Variants in CCDC191 observed in about 807,000 individuals in gnomAD.
CCDC191 encodes coiled-coil domain-containing protein 191.
Under a neutral mutation model 114.0 loss-of-function variants are expected in CCDC191, and 99 were observed. That is an observed-to-expected ratio of 0.87 (90% CI 0.74 to 1.03). The LOEUF is 1.03. Among genes scored for constraint, CCDC191 ranks in the 50% least tolerant of loss-of-function variants. CCDC191 has a pLI of 0.00. For missense variants in CCDC191, 973 were observed against 1,087.0 expected, an observed-to-expected ratio of 0.90 and a Z score of 1.47; for synonymous variants, 351 against 376.0, an observed-to-expected ratio of 0.93 and a Z score of 0.77.
At position 114,006,236 on chromosome 3, in the gene CCDC191, G is replaced by A. The variant is rs144113748; in HGVS notation, c.1414-274C>T. ...GGCCGAGATGGGCAGATGACTTAAGGTCAGGAGATTGAGATCAGCCTGGCC... is the reference window on the plus strand; with the variant it reads ...GGCCGAGATGGGCAGATGACTTAAGATCAGGAGATTGAGATCAGCCTGGCC... On this transcript the variant is annotated intron_variant, in intron 9 of 16. Coordinates refer to ENST00000295878, the MANE Select transcript of CCDC191 (RefSeq NM_020817.2). Among the ~76,000 whole-genome samples, 204 of 151,924 alleles carry A rather than the reference G, an allele frequency of 1.3e-3. 1 individual carries two copies. Among genetic ancestry groups the A allele is most frequent in the African/African-American group, 4.6e-3 (192 of 41,406 alleles).
intron 6 of CCDC191, among the ~76,000 whole-genome samples, chr3:114,032,192 T>C (rs1043696377): frequency 2.6e-5 from 4 of 152,148 alleles, no homozygotes; most frequent in Non-Finnish European, 5.9e-5. Flanking sequence ...CTTATAAGGT[T>C]ACTAGAAAGA....
intron 16 of CCDC191, among the ~76,000 whole-genome samples, chr3:113,971,138 C>A (rs1406112123): frequency 6.6e-6 from 1 of 152,168 alleles, no homozygotes; most frequent in East Asian, 1.9e-4. Flanking sequence ...GAGGAATCAC[C>A]ACACTGATTT....
chr3:113,980,569 C>A lies in CCDC191; in HGVS notation c.2307+81G>T, dbSNP rs373250005. ...TGGCTTTAAATCACCAAACCCTACC[C>A]TCCCCCAAGCTTAACTGGGCATCCA... On this transcript the variant is annotated intron_variant, in intron 14 of 16. Transcript: ENST00000295878. The A allele has an allele frequency of 3.1e-6, 4 of 1,302,032 alleles. No individual in the cohort carries two copies. The Admixed American group carries it at 8.6e-5, about 28-fold the overall frequency. The allele number at this position is 1,302,032 out of a possible 1,614,324, so 80.7% of individuals were successfully genotyped here.
At chr3:113,969,107 A>T (rs932740390) in intron 16 of CCDC191, among the ~76,000 whole-genome samples, 2 of 152,218 alleles carry the variant, frequency 1.3e-5, no homozygotes, top group African/African-American at 4.8e-5. Context: ...CGTAACTAAT[A>T]GAGTGAGAAT....
intron 5 of CCDC191, among the ~76,000 whole-genome samples, 196 bp from the exon 6 acceptor site, chr3:114,035,344 C>T (rs1194225324): frequency 6.6e-6 from 1 of 152,060 alleles, no homozygotes; most frequent in African/African-American, 2.4e-5. Flanking sequence ...TAGATGAAGT[C>T]AGATGAAGAT....
intron 7 of CCDC191, among the ~76,000 whole-genome samples, chr3:114,027,786 A>T (rs1268868226): frequency 6.6e-6 from 1 of 152,150 alleles, no homozygotes; most frequent in Non-Finnish European, 1.5e-5. Context: ...TGCTGACAAG[A>T]GCTTCCAGTT....
rs1939955400 is a variant in CCDC191, at chr3:113,964,896, A to G, written c.*259T>C. 3.6e-6 allele frequency: 1 copy of G among 274,226 alleles called. No homozygotes were observed. The highest frequency in any genetic ancestry group is 6.3e-5 in the East Asian group (1 of 15,884). 17.0% of individuals were successfully genotyped at this position (274,226 alleles called of 1,614,324 possible). On this transcript the variant is annotated 3_prime_UTR_variant, in exon 17 of 17. Coordinates refer to ENST00000295878, the MANE Select transcript of CCDC191 (RefSeq NM_020817.2). ...CCTTTTTAAAGTTTACTATGCTAAAAATATATAGGATATATTTGAACAGAC... is the reference window on the plus strand; with the variant it reads ...CCTTTTTAAAGTTTACTATGCTAAAGATATATAGGATATATTTGAACAGAC...
At chr3:113,984,303 T>C (rs2075278005) in intron 13 of CCDC191, 1 of 151,988 alleles carries the variant, frequency 6.6e-6, no homozygotes, top group Non-Finnish European at 1.5e-5. Flanking sequence ...TGAGCAAAAA[T>C]ACCCGCCCAA....
chr3:114,054,698 A>C (rs139863963), intron 1 of CCDC191, among the ~76,000 whole-genome samples: 2 of 152,196 alleles, frequency 1.3e-5, no homozygotes, highest in East Asian at 3.9e-4. Flanking sequence ...GCGAGGGTTA[A>C]TCAATCTGAC....
At chr3:114,035,347 A>G (rs1164347909) in intron 5 of CCDC191, among the ~76,000 whole-genome samples, 199 bp from the exon 6 acceptor site, 1 of 152,224 alleles carries the variant, frequency 6.6e-6, no homozygotes, top group Non-Finnish European at 1.5e-5. Flanking sequence ...ATGAAGTCAG[A>G]TGAAGATGAC....
chr3:114,046,493 G>A, intron 3 of CCDC191, 98 bp downstream of exon 3: 1 of 790,442 alleles, frequency 1.3e-6, no homozygotes, highest in South Asian at 1.5e-5. Context: ...GGGAAATTAA[G>A]AACAAGAGTA....
Position 114,002,392 on chromosome 3 carries a change from T to C in CCDC191, c.2061+64A>G. Reference sequence around the variant, plus strand: ...GGAGTTCTGAAAAAGCAAGGTTTCATTTTTTAAGAAAGACCTGGACAAATC... The same window carrying C: ...GGAGTTCTGAAAAAGCAAGGTTTCACTTTTTAAGAAAGACCTGGACAAATC... On this transcript the variant is annotated intron_variant, in intron 12 of 16. Coordinates refer to ENST00000295878, the MANE Select transcript of CCDC191 (RefSeq NM_020817.2). 5 of 1,244,984 alleles carry C rather than the reference T, an allele frequency of 4.0e-6. No homozygotes were observed. The African/African-American group carries it at 4.6e-5, about 11-fold the overall frequency. The allele number at this position is 1,244,984 out of a possible 1,614,324, so 77.1% of individuals were successfully genotyped here.
intron 14 of CCDC191, among the ~76,000 whole-genome samples, chr3:113,980,163 C>T (rs1243083863): frequency 1.3e-5 from 2 of 152,120 alleles, no homozygotes; most frequent in Non-Finnish European, 2.9e-5. Flanking sequence ...CTGACAGTTG[C>T]CAGGTGAAAA....
At chr3:113,983,085 T>C (rs1454293986) in intron 13 of CCDC191, among the ~76,000 whole-genome samples, 1 of 152,160 alleles carries the variant, frequency 6.6e-6, no homozygotes, top group Non-Finnish European at 1.5e-5. Flanking sequence ...TCATGAATGC[T>C]TGCTGGGCTT....
intron 3 of CCDC191, 113 bp from the exon 4 acceptor site, chr3:114,042,959 G>A: frequency 3.1e-6 from 3 of 969,572 alleles, no homozygotes; most frequent in Non-Finnish European, 1.5e-6. Context: ...GTCAAGTACT[G>A]TTCTAGATAC....
Position 114,014,178 on chromosome 3 carries a change from G to A in CCDC191, c.1164-3157C>T, listed in dbSNP as rs2076119775. ...AGCAGTGACATGAACAGTTACATTTGGGATGAGCAGGTTTAGCTGGAATAG... is the reference window on the plus strand; with the variant it reads ...AGCAGTGACATGAACAGTTACATTTAGGATGAGCAGGTTTAGCTGGAATAG... On this transcript the variant is annotated intron_variant, in intron 8 of 16. Transcript: ENST00000295878. 2.0e-5 allele frequency among the ~76,000 whole-genome samples: 3 copies of A among 152,300 alleles called. No individual in the cohort carries two copies. In the South Asian group the frequency reaches 6.2e-4, roughly 32 times the overall value.
At chr3:114,029,029 G>A (rs2076365877) in intron 7 of CCDC191, among the ~76,000 whole-genome samples, 1 of 151,780 alleles carries the variant, frequency 6.6e-6, no homozygotes, top group African/African-American at 2.4e-5. Flanking sequence ...AGAAAAAAAT[G>A]ACACTCCAGT....
chr3:114,037,799 CTA>C (rs1166339325), intron 4 of CCDC191, among the ~76,000 whole-genome samples: 1 of 152,098 alleles, frequency 6.6e-6, no homozygotes, highest in East Asian at 1.9e-4. Context: ...AATGTAAATG[CTA>C]TGTTAATACT....
intron 16 of CCDC191, among the ~76,000 whole-genome samples, chr3:113,969,680 GTTCTCTA>G (rs1316347950): frequency 6.6e-6 from 1 of 152,026 alleles, no homozygotes. Context: ...TTAAATCTGG[GTTCTCTA>G]TTCTATTTCA....
Sources: allele counts gnomAD v4.1 joint callset (sites outside exome capture counted in the v4.1 genomes callset), GRCh38; gene constraint gnomAD v4.1.1; transcripts MANE v1.5; gene names NCBI Gene and HGNC (gene_info 2026-07-23, HGNC 2026-07-21).